Variants in SCAPER observed in about 807,000 individuals in gnomAD.
The protein encoded by SCAPER is S phase cyclin A-associated protein in the endoplasmic reticulum.
SCAPER carries 98 observed loss-of-function variants against 182.2 expected under a neutral mutation model. The observed-to-expected ratio is 0.54, with a 90% confidence interval of 0.46 to 0.64. SCAPER has a LOEUF of 0.64. SCAPER is among the 30% of genes least tolerant of loss of function. The pLI is 0.00. For missense variants in SCAPER, 1,432 were observed against 1,690.0 expected (o/e 0.85, Z 2.68); for synonymous variants, 605 against 564.6 (o/e 1.07, Z -1.01).
intron 27 of SCAPER, among the ~76,000 whole-genome samples, chr15:76,397,494 T>C (rs1348595990): frequency 1.4e-5 from 2 of 146,906 alleles, no homozygotes; most frequent in Admixed American, 1.4e-4. Flanking sequence ...TTTTTTTTTT[T>C]TTTGAGACGG....
intron 24 of SCAPER, among the ~76,000 whole-genome samples, chr15:76,501,025 G>A (rs532285255): frequency 7.2e-4 from 108 of 149,544 alleles, no homozygotes; most frequent in African/African-American, 2.5e-3. Flanking sequence ...CCTGGGTGAC[G>A]GAGTAAAACC....
intron 6 of SCAPER, among the ~76,000 whole-genome samples, chr15:76,804,046 T>C (rs2065967149): frequency 1.3e-5 from 2 of 152,172 alleles, no homozygotes; most frequent in Non-Finnish European, 2.9e-5. Flanking sequence ...AGAAATACTG[T>C]ATCTTTCCCT....
At chr15:76,516,835 A>C (rs1049431831) in intron 23 of SCAPER, among the ~76,000 whole-genome samples, 2 of 152,156 alleles carry the variant, frequency 1.3e-5, no homozygotes, top group Non-Finnish European at 2.9e-5. Context: ...CAGGAACCCA[A>C]ATTTTACTTT....
intron 29 of SCAPER, among the ~76,000 whole-genome samples, chr15:76,361,011 A>G (rs2141727370): frequency 6.6e-6 from 1 of 151,882 alleles, no homozygotes; most frequent in East Asian, 1.9e-4. Flanking sequence ...GGTGTTACCC[A>G]AAATTTAAAT....
At chr15:76,556,035 C>T (rs1401224845) in intron 23 of SCAPER, among the ~76,000 whole-genome samples, 1 of 152,162 alleles carries the variant, frequency 6.6e-6, no homozygotes. Flanking sequence ...TGACCATACT[C>T]TCAGACCACA....
At chr15:76,471,153 C>T in intron 25 of SCAPER, 59 bp downstream of exon 25, 4 of 1,400,442 alleles carry the variant, frequency 2.9e-6, no homozygotes, top group East Asian at 2.6e-5. Flanking sequence ...TAGTTTTCTC[C>T]ACAGGGACTA....
intron 23 of SCAPER, among the ~76,000 whole-genome samples, chr15:76,552,509 G>GTCT (rs750625260): frequency 3.3e-5 from 5 of 152,130 alleles, no homozygotes; most frequent in Non-Finnish European, 7.4e-5. Flanking sequence ...ACAGGCTCCT[G>GTCT]GACCCCAACT....
chr15:76,871,082 G>A (rs150651105), intron 2 of SCAPER, among the ~76,000 whole-genome samples: 99 of 152,214 alleles, frequency 6.5e-4, no homozygotes, highest in African/African-American at 2.2e-3. Flanking sequence ...GTAAGTAACT[G>A]CCATGCAGAA....
chr15:76,729,287 T>TAC (rs1356191595), intron 16 of SCAPER, among the ~76,000 whole-genome samples: 1 of 128,516 alleles, frequency 7.8e-6, no homozygotes, highest in African/African-American at 3.3e-5. Context: ...CACACATATA[T>TAC]ATACACATAC....
chr15:76,852,984 T>C (rs1486404431), intron 4 of SCAPER, among the ~76,000 whole-genome samples: 2 of 151,770 alleles, frequency 1.3e-5, no homozygotes, highest in South Asian at 2.1e-4. Flanking sequence ...TAAACACAAT[T>C]GGAAATGTCA....
At chr15:76,554,516 C>T (rs1007901922) in intron 23 of SCAPER, among the ~76,000 whole-genome samples, 1 of 152,118 alleles carries the variant, frequency 6.6e-6, no homozygotes, top group African/African-American at 2.4e-5. Context: ...ATGACCATCC[C>T]TCAAGACACA....
intron 14 of SCAPER, among the ~76,000 whole-genome samples, chr15:76,755,241 C>T (rs891583488): frequency 1.3e-5 from 2 of 152,162 alleles, no homozygotes; most frequent in Non-Finnish European, 2.9e-5. Flanking sequence ...CAGAACCCCA[C>T]AAGAGACTGC....
At position 76,397,293 on chromosome 15, in the gene SCAPER, T is replaced by C. The variant is rs562136863; in HGVS notation, c.3467+7231A>G. ...CTGGTCTTTAGTTTTCTTTTTTCCA[T>C]GTTTCTCTGATTTTGACATCAGAGT... On this transcript the variant is annotated intron_variant, in intron 27 of 31. Coordinates refer to ENST00000563290, the MANE Select transcript of SCAPER (RefSeq NM_020843.4). 6.6e-5 allele frequency among the ~76,000 whole-genome samples: 10 copies of C among 152,238 alleles called. No individual in the cohort carries two copies. The South Asian group carries it at 1.7e-3, about 25-fold the overall frequency.
intron 1 of SCAPER, among the ~76,000 whole-genome samples, chr15:76,902,951 C>T (rs931669511): frequency 1.3e-4 from 19 of 151,866 alleles, no homozygotes; most frequent in Admixed American, 9.8e-4. Flanking sequence ...GTTCCAGCTA[C>T]TCAGGAAGCT....
intron 29 of SCAPER, among the ~76,000 whole-genome samples, chr15:76,368,745 AAAAGCCAG>A (rs2041966913): frequency 6.6e-6 from 1 of 152,236 alleles, no homozygotes; most frequent in African/African-American, 2.4e-5. Context: ...TTCCAAATGA[AAAAGCCAG>A]TTGCTAAACA....
intron 26 of SCAPER, among the ~76,000 whole-genome samples, chr15:76,409,499 A>ATGTGTG (rs371959404): frequency 6.6e-6 from 1 of 150,378 alleles, no homozygotes; most frequent in African/African-American, 2.4e-5. Context: ...CATATACATT[A>ATGTGTG]TGTGTGTGTG....
rs960218979 is a variant in SCAPER, at chr15:76,486,075, T to C, written c.2955-14740A>G. On this transcript the variant is annotated intron_variant, in intron 24 of 31. Transcript: ENST00000563290. ...ACAAAAAATTAGCTGGGCATGGTGG[T>C]GAGCACCTGTAGTTCCAGCTACTTG... 1.3e-4 allele frequency among the ~76,000 whole-genome samples: 20 copies of C among 152,026 alleles called. No homozygotes were observed. The Middle Eastern group carries it at 0.021, about 156-fold the overall frequency.
At chr15:76,379,521 C>T (rs1331905799) in intron 28 of SCAPER, among the ~76,000 whole-genome samples, 1 of 151,736 alleles carries the variant, frequency 6.6e-6, no homozygotes, top group Non-Finnish European at 1.5e-5. Flanking sequence ...ATAGCTGAAC[C>T]CTCTTGAACC....
At chr15:76,448,436 G>T (rs1038470644) in intron 25 of SCAPER, among the ~76,000 whole-genome samples, 10 of 152,118 alleles carry the variant, frequency 6.6e-5, no homozygotes, top group African/African-American at 2.4e-4. Context: ...CCAGGATGGG[G>T]AATGCAGTGG....
Sources: gnomAD v4.1 joint callset for allele counts (sites outside exome capture counted in the v4.1 genomes callset) on GRCh38, gnomAD v4.1.1 for gene constraint, MANE v1.5 for transcripts, NCBI Gene and HGNC (gene_info 2026-07-23, HGNC 2026-07-21) for gene names.